UBASH3A: variants seen among roughly 807,000 people sequenced by gnomAD.
UBASH3A encodes ubiquitin associated and SH3 domain containing A.
In UBASH3A, 63 loss-of-function variants were observed where a neutral mutation model predicts 73.5. The ratio of observed to expected loss-of-function variants is 0.86; its 90% CI spans 0.70 to 1.06. UBASH3A has a LOEUF of 1.06. Ranked by LOEUF, UBASH3A falls within the 50% of genes least tolerant of loss-of-function variation. UBASH3A has a pLI of 0.00. For synonymous variants in UBASH3A, 363 were observed against 351.1 expected (o/e 1.03, Z -0.38); for missense variants, 860 against 859.0 (o/e 1.00, Z -0.02).
chr21:42,406,219 C>G (rs1344048624), intron 1 of UBASH3A, 89 bp from the exon 2 acceptor site: 1 of 1,063,448 alleles, frequency 9.4e-7, no homozygotes, highest in Non-Finnish European at 1.5e-6. Context: ...CCCCAAAGAT[C>G]CTGGGTGTGC....
At chr21:42,426,633 C>T in intron 7 of UBASH3A, 64 bp from the exon 8 acceptor site, 12 of 1,587,956 alleles carry the variant, frequency 7.6e-6, no homozygotes, top group South Asian at 6.8e-5. Flanking sequence ...TGACCAGATG[C>T]TGGGTCTCCA....
intron 8 of UBASH3A, among the ~76,000 whole-genome samples, chr21:42,428,828 G>A (rs1295935222): frequency 1.3e-5 from 2 of 151,996 alleles, no homozygotes; most frequent in African/African-American, 2.4e-5. Context: ...CCCTCACACG[G>A]TCTTCTCTAT....
At chr21:42,405,259 C>T (rs2052945168) in intron 1 of UBASH3A, among the ~76,000 whole-genome samples, 1 of 152,160 alleles carries the variant, frequency 6.6e-6, no homozygotes, top group African/African-American at 2.4e-5. Context: ...GGGCACCGTC[C>T]AGGCATTACA....
At chr21:42,428,903 C>T (rs1188088355) in intron 8 of UBASH3A, among the ~76,000 whole-genome samples, 1 of 152,136 alleles carries the variant, frequency 6.6e-6, no homozygotes, top group Non-Finnish European at 1.5e-5. Context: ...AGAATCATGG[C>T]CCCAGAGATG....
intron 7 of UBASH3A, among the ~76,000 whole-genome samples, chr21:42,426,097 A>G (rs367670846): frequency 1.3e-5 from 2 of 152,242 alleles, no homozygotes; most frequent in East Asian, 1.9e-4. Flanking sequence ...CCCTGGGAAG[A>G]GTTGAGGTTA....
At chr21:42,417,878 C>CTTTTTTTTTTTTTTTTT (rs796939696) in intron 6 of UBASH3A, among the ~76,000 whole-genome samples, 12 of 90,634 alleles carry the variant, frequency 1.3e-4, no homozygotes, top group East Asian at 3.3e-4. Flanking sequence ...TTCTTTTTTT[C>CTTTTTTTTTTTTTTTTT]TTTTTTTTTT....
At chr21:42,443,032 TG>T in intron 12 of UBASH3A, 1 of 956,682 alleles carries the variant, frequency 1.0e-6, no homozygotes, top group Non-Finnish European at 1.4e-6. Flanking sequence ...GGAGCTGGAC[TG>T]GAGTTTAGTC....
intron 2 of UBASH3A, among the ~76,000 whole-genome samples, chr21:42,408,749 A>C (rs1241725421): frequency 6.6e-6 from 1 of 151,942 alleles, no homozygotes; most frequent in Non-Finnish European, 1.5e-5. Flanking sequence ...ATTTAAAATA[A>C]CTGTCTGCCT....
At chr21:42,407,896 A>G (rs2053010827) in intron 2 of UBASH3A, among the ~76,000 whole-genome samples, 1 of 152,292 alleles carries the variant, frequency 6.6e-6, no homozygotes, top group South Asian at 2.1e-4. Context: ...GTATATGTAT[A>G]CATGAACTAT....
At chr21:42,416,261 C>T (rs904778256) in intron 5 of UBASH3A, among the ~76,000 whole-genome samples, 181 bp from the exon 6 acceptor site, 2 of 152,060 alleles carry the variant, frequency 1.3e-5, no homozygotes, top group Non-Finnish European at 2.9e-5. Flanking sequence ...CGTCCTCTTT[C>T]CTACTTCCTG....
At chr21:42,418,332 C>T (rs1477055992) in intron 6 of UBASH3A, 69 bp from the exon 7 acceptor site, 65 of 1,413,092 alleles carry the variant, frequency 4.6e-5, no homozygotes, top group Non-Finnish European at 6.1e-5. Context: ...GGTGATAGGC[C>T]TCCTATTGCT....
At position 42,442,475 on chromosome 21, in the gene UBASH3A, A is replaced by G; in HGVS notation, c.1510A>G (p.Lys504Glu). The change falls in exon 12 of 15, where the codon AAG becomes GAG. Residue 504 changes from lysine (K) to glutamate (E), a missense_variant. Coordinates refer to ENST00000319294, the MANE Select transcript of UBASH3A (RefSeq NM_018961.4). ...LEELKLEKKI[K>E]IRVEPGIFEW... The stretch of plus-strand genomic sequence containing the variant: ...AGAACTCAAACTGGAGAAAAAAATC[A>G]AGATACGAGTGGAACCTGGAATCTT... The G allele has an allele frequency of 1.9e-6, 3 of 1,614,098 alleles. No homozygotes were observed. Among genetic ancestry groups the G allele is most frequent in the Non-Finnish European group, 2.5e-6 (3 of 1,180,004 alleles).
chr21:42,410,299 G>T (rs1034855638), intron 3 of UBASH3A: 11 of 619,076 alleles, frequency 1.8e-5, no homozygotes, highest in Non-Finnish European at 3.2e-5. Context: ...CGCCAGAGGG[G>T]CTTAAGGAAG....
intron 7 of UBASH3A, among the ~76,000 whole-genome samples, chr21:42,420,341 G>A (rs1601576582): frequency 6.6e-6 from 1 of 151,812 alleles, no homozygotes; most frequent in African/African-American, 2.4e-5. Flanking sequence ...GTTGTTATAC[G>A]GTATTGTTTT....
At position 42,447,148 on chromosome 21, in the gene UBASH3A, G is replaced by C; in HGVS notation, c.1940G>C (p.Gly647Ala). 1 of 1,614,194 alleles carries C rather than the reference G, an allele frequency of 6.2e-7. No homozygotes were observed. Among genetic ancestry groups the C allele is most frequent in the Non-Finnish European group, 8.5e-7 (1 of 1,180,024 alleles). ...CCACCGGTGAAGACCCTGACCCACG[G>C]GGCGAACGCAGCATTTAACTGGAGG... ...VNPPVKTLTH[G>A]ANAAFNWRNW... The change falls in exon 15 of 15, where the codon GGG (glycine) becomes GCG (alanine). Residue 647 changes from glycine to alanine, a missense_variant. By Grantham distance (60) the Gly-to-Ala change is moderately conservative (BLOSUM62 0). Transcript: ENST00000319294.
At chr21:42,439,017 A>G (rs2053680548) in intron 11 of UBASH3A, among the ~76,000 whole-genome samples, 1 of 152,084 alleles carries the variant, frequency 6.6e-6, no homozygotes, top group South Asian at 2.1e-4. Context: ...GATTCAATGC[A>G]CACATGTGCA....
At chr21:42,446,217 T>C (rs1410816741) in intron 14 of UBASH3A, among the ~76,000 whole-genome samples, 1 of 152,190 alleles carries the variant, frequency 6.6e-6, no homozygotes, top group Non-Finnish European at 1.5e-5. Flanking sequence ...TTTCTTATGC[T>C]GGTCACGTGG....
At chr21:42,412,182 C>T (rs1327630868) in intron 3 of UBASH3A, among the ~76,000 whole-genome samples, 2 of 152,144 alleles carry the variant, frequency 1.3e-5, no homozygotes, top group African/African-American at 4.8e-5. Context: ...CAACACCGAG[C>T]CCAGATGTCA....
intron 3 of UBASH3A, chr21:42,409,985 C>T (rs1160896221): frequency 2.1e-5 from 14 of 677,906 alleles, no homozygotes; most frequent in East Asian, 1.4e-4. Context: ...AGATACCTCA[C>T]TCATCTTTGC....
Sources: allele counts gnomAD v4.1 joint callset (sites outside exome capture counted in the v4.1 genomes callset), GRCh38; gene constraint gnomAD v4.1.1; transcripts MANE v1.5; gene names NCBI Gene and HGNC (gene_info 2026-07-23, HGNC 2026-07-21).